NCAM2: variants seen among roughly 807,000 people sequenced by gnomAD.
The protein encoded by NCAM2 is neural cell adhesion molecule 2.
Under a neutral mutation model 98.1 loss-of-function variants are expected in NCAM2, and 30 were observed. That is an observed-to-expected ratio of 0.31 (90% CI 0.23 to 0.41). The LOEUF (loss-of-function observed/expected upper bound fraction) is 0.41, where lower values mean the gene tolerates loss of function less well. Ranked by LOEUF, NCAM2 falls within the 10% of genes least tolerant of loss-of-function variation. The pLI, the probability that NCAM2 is intolerant of heterozygous loss-of-function variation, is 1.00. For synonymous variants in NCAM2, 368 were observed against 342.4 expected (o/e 1.07, Z -0.83); for missense variants, 867 against 1,005.8 (o/e 0.86, Z 1.87).
chr21:21,158,872 A>C (rs2067693807), intron 1 of NCAM2, among the ~76,000 whole-genome samples: 1 of 152,118 alleles, frequency 6.6e-6, no homozygotes, highest in Admixed American at 6.6e-5. Context: ...TTTAGAGTGT[A>C]TTCCTTCTAT....
intron 1 of NCAM2, among the ~76,000 whole-genome samples, chr21:21,176,344 A>G (rs2068289386): frequency 6.6e-6 from 1 of 152,148 alleles, no homozygotes; most frequent in Admixed American, 6.5e-5. Flanking sequence ...ATAAATACTG[A>G]GAAATGAGAG....
At chr21:21,145,414 A>G (rs1429973425) in intron 1 of NCAM2, among the ~76,000 whole-genome samples, 1 of 152,202 alleles carries the variant, frequency 6.6e-6, no homozygotes, top group African/African-American at 2.4e-5. Context: ...ACTTACTGCA[A>G]TTTATGTGTC....
intron 1 of NCAM2, among the ~76,000 whole-genome samples, chr21:21,214,246 T>C (rs1230373497): frequency 6.6e-6 from 1 of 152,104 alleles, no homozygotes; most frequent in Non-Finnish European, 1.5e-5. Flanking sequence ...TTATGAAAAA[T>C]GTTTATAGAT....
chr21:21,214,857 T>G (rs1312858342), intron 1 of NCAM2, among the ~76,000 whole-genome samples: 2 of 150,178 alleles, frequency 1.3e-5, no homozygotes, highest in Non-Finnish European at 3.0e-5. Context: ...TGAACAGAAT[T>G]ATTACTGCCT....
At chr21:21,530,340 TAATTA>T (rs890213276) in intron 16 of NCAM2, among the ~76,000 whole-genome samples, 6 of 143,290 alleles carry the variant, frequency 4.2e-5, no homozygotes, top group Admixed American at 1.4e-4. Flanking sequence ...AAATTATACA[TAATTA>T]AATTAAAATA....
At chr21:21,024,962 A>G (rs904075876) in intron 1 of NCAM2, among the ~76,000 whole-genome samples, 3 of 152,000 alleles carry the variant, frequency 2.0e-5, no homozygotes, top group Admixed American at 6.6e-5. Context: ...AACTACTTTC[A>G]GGTCAGAATT....
chr21:21,538,038 C>G lies in NCAM2; in HGVS notation c.*81C>G, dbSNP rs955315081. 2.9e-5 allele frequency: 21 copies of G among 729,902 alleles called. No homozygotes were observed. The highest frequency in any genetic ancestry group is 4.5e-5 in the Non-Finnish European group (21 of 467,652). 45.2% of individuals were successfully genotyped at this position (729,902 alleles called of 1,614,324 possible). A position where few individuals can be genotyped will look rare whatever the true frequency, so the allele number is the denominator to read the frequency against. ...CCTATGACCAAAACTATTCCATTGA[C>G]CTTAATTTCTTGGGAAACTTCTAGC... On this transcript the variant is annotated 3_prime_UTR_variant, in exon 18 of 18. Transcript: ENST00000400546.
chr21:21,104,225 C>T (rs1296712103), intron 1 of NCAM2, among the ~76,000 whole-genome samples: 1 of 152,068 alleles, frequency 6.6e-6, no homozygotes, highest in African/African-American at 2.4e-5. Context: ...CCTTCTCCTC[C>T]TCCTCACCGT....
chr21:21,190,022 C>T (rs951540632), intron 1 of NCAM2, among the ~76,000 whole-genome samples: 3 of 152,134 alleles, frequency 2.0e-5, no homozygotes, highest in Admixed American at 1.3e-4. Flanking sequence ...AAGTTGCGAT[C>T]ATTCTTAATT....
chr21:21,341,128 T>C (rs1318738642), intron 8 of NCAM2, among the ~76,000 whole-genome samples: 1 of 152,142 alleles, frequency 6.6e-6, no homozygotes, highest in African/African-American at 2.4e-5. Flanking sequence ...CATATGAGAA[T>C]GGTCAAGTCA....
intron 6 of NCAM2, among the ~76,000 whole-genome samples, chr21:21,326,619 GTAT>G (rs1317136975): frequency 1.3e-5 from 2 of 151,944 alleles, no homozygotes; most frequent in African/African-American, 4.8e-5. Flanking sequence ...ATTAGAAATA[GTAT>G]TATATAGACT....
rs543928181 is a variant in NCAM2, at chr21:21,021,935, GTAAA to G, written c.55+23320_55+23323del. On this transcript the variant is annotated intron_variant, in intron 1 of 17. Transcript: ENST00000400546. ...ATGTCATGCACATAGTAGATGTTCA[GTAAA>G]TAGTTTTTGAAAAAATAAATGGATG... 3.7e-4 allele frequency among the ~76,000 whole-genome samples: 57 copies of G among 152,192 alleles called. 1 individual carries two copies. Among genetic ancestry groups the G allele is most frequent in the Admixed American group, 1.4e-3 (22 of 15,286 alleles).
At chr21:21,236,788 A>ATGTG (rs2070848895) in intron 1 of NCAM2, among the ~76,000 whole-genome samples, 1 of 131,472 alleles carries the variant, frequency 7.6e-6, no homozygotes, top group African/African-American at 2.8e-5. Flanking sequence ...GTGTGTGTGC[A>ATGTG]TGCACACGTG....
chr21:21,389,272 A>G (rs1249789654), intron 9 of NCAM2, among the ~76,000 whole-genome samples: 1 of 152,172 alleles, frequency 6.6e-6, no homozygotes, highest in Non-Finnish European at 1.5e-5. Context: ...CCTTTAAAAA[A>G]GCATCAGATG....
chr21:21,414,840 A>T (rs1383700015), intron 10 of NCAM2, among the ~76,000 whole-genome samples: 2 of 152,250 alleles, frequency 1.3e-5, no homozygotes, highest in African/African-American at 2.4e-5. Flanking sequence ...TTCAGAATGG[A>T]TGTTGGGTTA....
At chr21:21,318,649 C>A (rs1431564305) in intron 5 of NCAM2, among the ~76,000 whole-genome samples, 1 of 152,072 alleles carries the variant, frequency 6.6e-6, no homozygotes, top group East Asian at 1.9e-4. Context: ...TGATTATATT[C>A]TTAAATCAAC....
intron 9 of NCAM2, among the ~76,000 whole-genome samples, chr21:21,409,010 A>ATTTT (rs879794267): frequency 0.11 from 17,208 of 150,512 alleles, 1,277 homozygotes; most frequent in Middle Eastern, 0.22. Flanking sequence ...TTTAAAAGTT[A>ATTTT]AATGACTTAA....
intron 1 of NCAM2, among the ~76,000 whole-genome samples, chr21:21,055,129 T>C (rs2065186724): frequency 6.6e-6 from 1 of 152,066 alleles, no homozygotes; most frequent in Admixed American, 6.6e-5. Flanking sequence ...TAAGTATTGG[T>C]ATATTTTTGA....
At chr21:21,077,191 ATTAT>A (rs1156297332) in intron 1 of NCAM2, among the ~76,000 whole-genome samples, 3 of 152,132 alleles carry the variant, frequency 2.0e-5, no homozygotes, top group Non-Finnish European at 4.4e-5. Context: ...CCCGTCAGAG[ATTAT>A]TTATTCTGTA....
Sources: allele counts gnomAD v4.1 joint callset (sites outside exome capture counted in the v4.1 genomes callset), GRCh38; gene constraint gnomAD v4.1.1; transcripts MANE v1.5; gene names NCBI Gene and HGNC (gene_info 2026-07-23, HGNC 2026-07-21).